The following PKIB variants were observed in gnomAD, a reference collection of about 807,000 sequenced individuals.
PKIB encodes the protein PKI-beta.
A neutral mutation model predicts 4.5 loss-of-function variants in PKIB; 2 were observed. The ratio of observed to expected loss-of-function variants is 0.44; its 90% CI spans 0.18 to 1.39. The LOEUF is 1.39. Ranked by LOEUF, PKIB falls within the 40% of genes most tolerant of loss-of-function variation. PKIB has a pLI of 0.27. For synonymous variants in PKIB, 38 were observed against 36.0 expected (o/e 1.06, Z -0.20); for missense variants, 94 against 92.6 (o/e 1.02, Z -0.06).
intron 2 of PKIB, among the ~76,000 whole-genome samples, chr6:122,571,777 A>G (rs951812032): frequency 2.0e-5 from 3 of 152,204 alleles, no homozygotes; most frequent in Admixed American, 2.0e-4. Flanking sequence ...TCAAAATGGA[A>G]CCTCCTTAAA....
At chr6:122,492,105 AG>A (rs1775949129) in intron 2 of PKIB, among the ~76,000 whole-genome samples, 1 of 152,164 alleles carries the variant, frequency 6.6e-6, no homozygotes. Context: ...TAGAACCAAG[AG>A]GGGGCAGCAG....
At chr6:122,593,458 T>G (rs1426693070) in intron 3 of PKIB, among the ~76,000 whole-genome samples, 1 of 152,174 alleles carries the variant, frequency 6.6e-6, no homozygotes, top group Non-Finnish European at 1.5e-5. Flanking sequence ...ACTATCACCA[T>G]AGAACTGAAA....
chr6:122,557,937 A>G (rs1460919821), intron 2 of PKIB, among the ~76,000 whole-genome samples: 1 of 152,110 alleles, frequency 6.6e-6, no homozygotes, highest in Non-Finnish European at 1.5e-5. Context: ...TAGTAACCCT[A>G]CTTCCATGAC....
intron 2 of PKIB, among the ~76,000 whole-genome samples, chr6:122,662,722 A>G (rs1284577491): frequency 1.3e-5 from 2 of 152,186 alleles, no homozygotes; most frequent in Non-Finnish European, 2.9e-5. Flanking sequence ...AACATTTCTA[A>G]CAACTACTGA....
chr6:122,701,360 A>T, intron 3 of PKIB: 1 of 1,168,370 alleles, frequency 8.6e-7, no homozygotes, highest in Non-Finnish European at 1.2e-6. Context: ...CATGGTGATC[A>T]GAGAGCTCTA....
At chr6:122,585,906 C>A (rs1056389506) in intron 2 of PKIB, 1 of 152,006 alleles carries the variant, frequency 6.6e-6, no homozygotes. Flanking sequence ...TTGTTTTTCT[C>A]TTTCTCTCTC....
At chr6:122,535,082 C>T (rs1362201455) in intron 2 of PKIB, among the ~76,000 whole-genome samples, 4 of 151,460 alleles carry the variant, frequency 2.6e-5, no homozygotes, top group Non-Finnish European at 5.9e-5. Flanking sequence ...TCAGCCTGTC[C>T]TCTCTCTCTC....
intron 2 of PKIB, among the ~76,000 whole-genome samples, chr6:122,670,905 A>C (rs1374320791): frequency 6.6e-6 from 1 of 152,248 alleles, no homozygotes; most frequent in Non-Finnish European, 1.5e-5. Flanking sequence ...TCACATAGTC[A>C]GATGATGTTC....
intron 2 of PKIB, among the ~76,000 whole-genome samples, chr6:122,506,312 GC>G (rs1776394520): frequency 1.3e-5 from 2 of 152,222 alleles, no homozygotes; most frequent in Admixed American, 1.3e-4. Context: ...AGAACTTTGG[GC>G]ACCGTTTGGT....
intron 2 of PKIB, among the ~76,000 whole-genome samples, chr6:122,540,803 T>C (rs1198816696): frequency 3.3e-5 from 5 of 151,920 alleles, no homozygotes; most frequent in African/African-American, 1.2e-4. Context: ...CCATTATTAT[T>C]GTGTGGGAGT....
rs1776368942 is a variant in PKIB, at chr6:122,505,471, T to G, written c.-248+27532T>G. On this transcript the variant is annotated intron_variant, in intron 2 of 6. Transcript: ENST00000392491. Reference sequence around the variant, plus strand: ...GTGGTGTCTGGTCTCTCTCCAGAGGTGTCTTTCGCATCTGTAGACTAAAAG... The same window carrying G: ...GTGGTGTCTGGTCTCTCTCCAGAGGGGTCTTTCGCATCTGTAGACTAAAAG... Among the ~76,000 whole-genome samples the G allele has an allele frequency of 2.0e-5, 3 of 152,314 alleles. No individual in the cohort carries two copies. The South Asian group carries it at 6.2e-4, about 32-fold the overall frequency.
chr6:122,678,074 A>AT (rs1777756943), intron 3 of PKIB, among the ~76,000 whole-genome samples: 1 of 152,036 alleles, frequency 6.6e-6, no homozygotes, highest in African/African-American at 2.4e-5. Flanking sequence ...TGCCCGGCTA[A>AT]TTTTTTGTAG....
At chr6:122,572,191 A>T (rs1006271026) in intron 2 of PKIB, among the ~76,000 whole-genome samples, 2 of 152,200 alleles carry the variant, frequency 1.3e-5, no homozygotes, top group Non-Finnish European at 2.9e-5. Flanking sequence ...CAATAAAAAA[A>T]GACAAAGAAG....
At chr6:122,627,035 C>A (rs1251622984) in intron 1 of PKIB, among the ~76,000 whole-genome samples, 7 of 144,472 alleles carry the variant, frequency 4.8e-5, no homozygotes, top group Non-Finnish European at 8.9e-5. Flanking sequence ...GAGATTGAGA[C>A]CATCCTGGTT....
chr6:122,585,333 C>T (rs1478791576), intron 2 of PKIB, among the ~76,000 whole-genome samples: 1 of 152,150 alleles, frequency 6.6e-6, no homozygotes, highest in African/African-American at 2.4e-5. Flanking sequence ...ATACAAATAG[C>T]AGCAGATGGT....
intron 2 of PKIB, among the ~76,000 whole-genome samples, chr6:122,571,681 T>C (rs1206133185): frequency 2.0e-5 from 3 of 152,196 alleles, no homozygotes; most frequent in African/African-American, 7.2e-5. Context: ...TTTCAACAAA[T>C]GCTGAGGAAA....
intron 3 of PKIB, among the ~76,000 whole-genome samples, chr6:122,602,050 T>A (rs1774386816): frequency 6.6e-6 from 1 of 152,048 alleles, no homozygotes; most frequent in Admixed American, 6.6e-5. Flanking sequence ...GAAAAAGATT[T>A]ATCTTATGCA....
At chr6:122,698,898 C>A (rs7750349) in intron 3 of PKIB, among the ~76,000 whole-genome samples, 1 of 152,240 alleles carries the variant, frequency 6.6e-6, no homozygotes, top group Non-Finnish European at 1.5e-5. Flanking sequence ...GCAGCTTTTG[C>A]TTTACCAAAT....
chr6:122,483,630 A>G (rs1229730219), intron 2 of PKIB: 4 of 152,250 alleles, frequency 2.6e-5, no homozygotes, highest in African/African-American at 7.2e-5. Context: ...ATAGGATTTC[A>G]GCAAAGAAAC....
Sources: allele counts gnomAD v4.1 joint callset (sites outside exome capture counted in the v4.1 genomes callset), GRCh38; gene constraint gnomAD v4.1.1; transcripts MANE v1.5; gene names NCBI Gene and HGNC (gene_info 2026-07-23, HGNC 2026-07-21).